Variants in SLCO1A2 observed in about 807,000 individuals in gnomAD.
SLCO1A2 encodes the protein OATP-1.
SLCO1A2 carries 67 observed loss-of-function variants against 69.0 expected under a neutral mutation model. That is an observed-to-expected ratio of 0.97 (90% CI 0.80 to 1.19). SLCO1A2 has a LOEUF of 1.19. SLCO1A2 is among the 50% of genes most tolerant of loss of function. The pLI is 0.00. For synonymous variants in SLCO1A2, 260 were observed against 265.9 expected, an observed-to-expected ratio of 0.98 and a Z score of 0.22; for missense variants, 787 against 793.7, an observed-to-expected ratio of 0.99 and a Z score of 0.10.
At chr12:21,363,569 G>C (rs181987082) in intron 2 of SLCO1A2, among the ~76,000 whole-genome samples, 11 of 152,088 alleles carry the variant, frequency 7.2e-5, no homozygotes, top group Non-Finnish European at 1.5e-4. Context: ...AGTAGATAGA[G>C]ACACAAAAAA....
intron 3 of SLCO1A2, 91 bp downstream of exon 3, chr12:21,318,691 C>A: frequency 8.8e-7 from 1 of 1,132,190 alleles, no homozygotes; most frequent in Non-Finnish European, 1.2e-6. Flanking sequence ...GATTAAATGA[C>A]CTAAAACAGC....
chr12:21,323,139 G>C (rs1951847570), intron 2 of SLCO1A2, among the ~76,000 whole-genome samples: 1 of 152,090 alleles, frequency 6.6e-6, no homozygotes, highest in African/African-American at 2.4e-5. Context: ...AAAGCCAAAG[G>C]CCAGGTTACA....
At position 21,297,389 on chromosome 12, in the gene SLCO1A2, GA is replaced by G. The variant is rs765345520; in HGVS notation, c.1075+14del. Reference sequence around the variant, plus strand: ...GGGGAAAGTGTGCTAGTAAGGCAGAGAAAAACAAACATACCCATTAGAAAGA... The same window carrying G: ...GGGGAAAGTGTGCTAGTAAGGCAGAGAAAACAAACATACCCATTAGAAAGA... On this transcript the variant is annotated intron_variant, in intron 9 of 14. Coordinates refer to ENST00000683939, the MANE Select transcript of SLCO1A2 (RefSeq NM_001386879.1). The G allele has an allele frequency of 7.2e-5, 116 of 1,600,954 alleles. No individual in the cohort carries two copies. The highest frequency in any genetic ancestry group is 9.6e-5 in the Non-Finnish European group (112 of 1,171,008).
chr12:21,333,814 TA>T (rs531786670), intron 2 of SLCO1A2, among the ~76,000 whole-genome samples: 1 of 152,130 alleles, frequency 6.6e-6, no homozygotes, highest in Non-Finnish European at 1.5e-5. Flanking sequence ...AAGTTTTTCT[TA>T]ATTAACATAC....
chr12:21,391,810 T>C (rs985751503), intron 1 of SLCO1A2, among the ~76,000 whole-genome samples: 2 of 151,942 alleles, frequency 1.3e-5, no homozygotes, highest in African/African-American at 4.8e-5. Flanking sequence ...TGGATTAATA[T>C]GTCTAGTTCA....
intron 2 of SLCO1A2, among the ~76,000 whole-genome samples, chr12:21,360,662 C>G (rs35940473): frequency 0.093 from 14,155 of 152,204 alleles, 1,051 homozygotes; most frequent in East Asian, 0.4. Context: ...ACAGACAGCA[C>G]CTGGAAAATC....
intron 2 of SLCO1A2, among the ~76,000 whole-genome samples, chr12:21,356,647 G>A (rs961768236): frequency 6.6e-6 from 1 of 152,110 alleles, no homozygotes; most frequent in Non-Finnish European, 1.5e-5. Context: ...GTAAAGATAT[G>A]AGTGTTATAC....
intron 1 of SLCO1A2, among the ~76,000 whole-genome samples, chr12:21,414,506 G>T (rs1014500642): frequency 6.6e-6 from 1 of 151,890 alleles, no homozygotes; most frequent in Non-Finnish European, 1.5e-5. Context: ...TAATCGCATT[G>T]TGTTCAAAGA....
At chr12:21,321,045 A>T (rs1385310013) in intron 2 of SLCO1A2, among the ~76,000 whole-genome samples, 1 of 152,036 alleles carries the variant, frequency 6.6e-6, no homozygotes, top group Non-Finnish European at 1.5e-5. Flanking sequence ...TCTTGAAACT[A>T]CCTCCATAAA....
At chr12:21,380,228 T>C (rs1050487535) in intron 1 of SLCO1A2, among the ~76,000 whole-genome samples, 1 of 152,196 alleles carries the variant, frequency 6.6e-6, no homozygotes, top group Admixed American at 6.5e-5. Context: ...ATATATGGAT[T>C]TGTTATTTAA....
chr12:21,379,929 T>C (rs986713860), intron 1 of SLCO1A2: 1 of 152,160 alleles, frequency 6.6e-6, no homozygotes, highest in Non-Finnish European at 1.5e-5. Flanking sequence ...TATAATAAAT[T>C]CTATGTCATG....
intron 2 of SLCO1A2, among the ~76,000 whole-genome samples, chr12:21,358,658 T>A (rs1395552414): frequency 6.6e-6 from 1 of 152,000 alleles, no homozygotes; most frequent in Non-Finnish European, 1.5e-5. Flanking sequence ...TTTTTATAAT[T>A]AAAAATTAAC....
At chr12:21,335,916 G>A (rs1449481500), upstream of SLCO1A2, among the ~76,000 whole-genome samples, 2 of 152,124 alleles carry the variant, frequency 1.3e-5, no homozygotes, top group Non-Finnish European at 2.9e-5. Context: ...AAACTAGCGA[G>A]AGAAGTATGT....
intron 3 of SLCO1A2, among the ~76,000 whole-genome samples, chr12:21,317,819 C>T (rs1298284845): frequency 1.3e-5 from 2 of 152,174 alleles, no homozygotes; most frequent in African/African-American, 2.4e-5. Context: ...AGGAGTGACA[C>T]TTATATTTCT....
chr12:21,386,274 T>A (rs1397237041), intron 1 of SLCO1A2, among the ~76,000 whole-genome samples: 2 of 152,284 alleles, frequency 1.3e-5, no homozygotes, highest in Non-Finnish European at 2.9e-5. Flanking sequence ...CTTATTTATA[T>A]ATTAAAAAAA....
chr12:21,304,631 T>G (rs1453801396), intron 5 of SLCO1A2, 58 bp from the exon 6 acceptor site: 1 of 1,462,588 alleles, frequency 6.8e-7, no homozygotes, highest in African/African-American at 1.4e-5. Flanking sequence ...GTCAGTAATA[T>G]TAATTCTATG....
chr12:21,358,570 TATC>T (rs1285664471), intron 2 of SLCO1A2, among the ~76,000 whole-genome samples: 1 of 152,188 alleles, frequency 6.6e-6, no homozygotes, highest in Non-Finnish European at 1.5e-5. Context: ...TGTATAGTTC[TATC>T]ATCATATATA....
intron 1 of SLCO1A2, among the ~76,000 whole-genome samples, chr12:21,407,577 A>G (rs1212489087): frequency 1.3e-5 from 2 of 152,136 alleles, no homozygotes; most frequent in Non-Finnish European, 2.9e-5. Context: ...AAGGCAGACG[A>G]ATCACTTGAG....
chr12:21,284,108 T>G (rs994802896), intron 12 of SLCO1A2, among the ~76,000 whole-genome samples: 1 of 152,186 alleles, frequency 6.6e-6, no homozygotes, highest in South Asian at 2.1e-4. Flanking sequence ...CGAAGAGATA[T>G]CTGCACTCCC....
Sources: allele counts gnomAD v4.1 joint callset (sites outside exome capture counted in the v4.1 genomes callset), GRCh38; gene constraint gnomAD v4.1.1; transcripts MANE v1.5; gene names NCBI Gene and HGNC (gene_info 2026-07-23, HGNC 2026-07-21).